The following SSBP3 variants were observed in gnomAD, a reference collection of about 807,000 sequenced individuals.
The protein encoded by SSBP3 is single-stranded DNA-binding protein 3.
In SSBP3, 5 loss-of-function variants were observed where a neutral mutation model predicts 69.6. That is an observed-to-expected ratio of 0.07 (90% CI 0.04 to 0.15). The LOEUF (loss-of-function observed/expected upper bound fraction) is 0.15. SSBP3 is among the 10% of genes least tolerant of loss of function. The probability of loss-of-function intolerance (pLI) is 1.00; values close to 1 mark genes in which losing one functional copy is unlikely to be tolerated. For missense variants in SSBP3, 312 were observed against 534.0 expected, an observed-to-expected ratio of 0.58 and a Z score of 4.10; for synonymous variants, 196 against 193.4, an observed-to-expected ratio of 1.01 and a Z score of -0.11.
chr1:54,282,041 A>AAATAAT (rs61443250), intron 4 of SSBP3, among the ~76,000 whole-genome samples: 2,273 of 142,880 alleles, frequency 0.016, 41 homozygotes, highest in African/African-American at 0.045. Flanking sequence ...GCCCTATCTC[A>AAATAAT]AATAATAATA....
At chr1:54,407,112 G>A (rs1649836610), upstream of SSBP3, among the ~76,000 whole-genome samples, 1 of 152,112 alleles carries the variant, frequency 6.6e-6, no homozygotes, top group South Asian at 2.1e-4. Flanking sequence ...ACCCCAAAGT[G>A]GAGCCGCGCG....
At chr1:54,248,071 GT>G (rs972346491) in intron 9 of SSBP3, among the ~76,000 whole-genome samples, 3 of 152,184 alleles carry the variant, frequency 2.0e-5, no homozygotes, top group Non-Finnish European at 2.9e-5. Context: ...ACTCCCTTCG[GT>G]TTTGAAATAA....
At chr1:54,269,935 T>C (rs1049175169) in intron 5 of SSBP3, among the ~76,000 whole-genome samples, 8 of 152,326 alleles carry the variant, frequency 5.3e-5, no homozygotes, top group Non-Finnish European at 1.0e-4. Flanking sequence ...AGGTCTGCCC[T>C]GTGGACGATG....
intron 4 of SSBP3, among the ~76,000 whole-genome samples, chr1:54,288,294 T>G (rs2100923109): frequency 6.6e-6 from 1 of 152,258 alleles, no homozygotes; most frequent in African/African-American, 2.4e-5. Context: ...GATCAGGCCT[T>G]CCTGCCCCGG....
At chr1:54,229,516 G>A (rs1229591456) in intron 14 of SSBP3, among the ~76,000 whole-genome samples, 2 of 152,224 alleles carry the variant, frequency 1.3e-5, no homozygotes, top group Non-Finnish European at 2.9e-5. Context: ...GGTGGTGGCA[G>A]GAGGTCACTG....
intron 5 of SSBP3, among the ~76,000 whole-genome samples, chr1:54,259,102 C>T (rs1644973238): frequency 6.6e-6 from 1 of 152,006 alleles, no homozygotes; most frequent in African/African-American, 2.4e-5. Context: ...CTTTTCATAC[C>T]TCAGTTCCAA....
intron 5 of SSBP3, among the ~76,000 whole-genome samples, chr1:54,274,268 G>C (rs933485842): frequency 2.6e-5 from 4 of 152,202 alleles, no homozygotes; most frequent in African/African-American, 9.7e-5. Context: ...TGGCCAATTT[G>C]AGCCTCAGTT....
chr1:54,364,042 G>A (rs1371394784), intron 4 of SSBP3, among the ~76,000 whole-genome samples: 1 of 152,232 alleles, frequency 6.6e-6, no homozygotes, highest in Non-Finnish European at 1.5e-5. Flanking sequence ...CCTAGTGTAT[G>A]AGAAGACATC....
chr1:54,302,041 G>C (rs1285562226), intron 4 of SSBP3, among the ~76,000 whole-genome samples: 1 of 152,232 alleles, frequency 6.6e-6, no homozygotes, highest in Admixed American at 6.5e-5. Flanking sequence ...TCCAGAGGGC[G>C]GCTGGGTGGG....
Position 54,362,222 on chromosome 1 carries a change from C to T in SSBP3, c.276+39639G>A, listed in dbSNP as rs137902712. Among the ~76,000 whole-genome samples the T allele has an allele frequency of 3.0e-3, 456 of 152,320 alleles. 3 individuals carry two copies. The highest frequency in any genetic ancestry group is 0.01 in the African/African-American group (429 of 41,570). On this transcript the variant is annotated intron_variant, in intron 4 of 17. Transcript: ENST00000610401. ...TATTCATTCATCTCCTCATGCTAGA[C>T]CCAGAGCTCCCAAGAGCGAGCTCAG...
At chr1:54,231,523 T>C (rs1425424743) in intron 14 of SSBP3, among the ~76,000 whole-genome samples, 1 of 152,232 alleles carries the variant, frequency 6.6e-6, no homozygotes, top group Non-Finnish European at 1.5e-5. Flanking sequence ...TAATCTCCGA[T>C]GAAGTCCAGT....
intron 5 of SSBP3, among the ~76,000 whole-genome samples, chr1:54,271,898 T>C (rs1025891757): frequency 1.3e-5 from 2 of 152,170 alleles, no homozygotes; most frequent in Non-Finnish European, 2.9e-5. Flanking sequence ...GCCTCCCGAA[T>C]AGATGGGATT....
chr1:54,252,696 C>A (rs752111699), intron 7 of SSBP3, among the ~76,000 whole-genome samples: 1 of 152,218 alleles, frequency 6.6e-6, no homozygotes, highest in Non-Finnish European at 1.5e-5. Context: ...CGCTGTGAAA[C>A]CCTATGAAAA....
chr1:54,320,159 C>T (rs1646187013), intron 4 of SSBP3, among the ~76,000 whole-genome samples: 1 of 152,036 alleles, frequency 6.6e-6, no homozygotes, highest in South Asian at 2.1e-4. Flanking sequence ...CCAGTGACTT[C>T]CAGGGTGGAA....
intron 4 of SSBP3, among the ~76,000 whole-genome samples, chr1:54,319,818 G>C (rs1423898597): frequency 6.6e-6 from 1 of 152,170 alleles, no homozygotes. Context: ...CAGAAAATTT[G>C]TATTATTCTT....
intron 14 of SSBP3, 97 bp downstream of exon 14, chr1:54,239,032 G>A (rs1644556017): frequency 1.0e-6 from 1 of 995,868 alleles, no homozygotes; most frequent in South Asian, 1.3e-5. Context: ...GGTAACAAAT[G>A]GCTGAAATCA....
intron 4 of SSBP3, among the ~76,000 whole-genome samples, chr1:54,309,000 C>G (rs1023447395): frequency 1.3e-5 from 2 of 152,126 alleles, no homozygotes; most frequent in African/African-American, 4.8e-5. Flanking sequence ...GATGGTCTAC[C>G]TTAACACTGC....
chr1:54,281,814 G>A (rs1645397635), intron 4 of SSBP3, among the ~76,000 whole-genome samples: 1 of 152,080 alleles, frequency 6.6e-6, no homozygotes, highest in Non-Finnish European at 1.5e-5. Flanking sequence ...TAAAATGGGA[G>A]GGCCGGATGT....
chr1:54,349,861 G>C (rs914666162), intron 4 of SSBP3, among the ~76,000 whole-genome samples: 2 of 151,720 alleles, frequency 1.3e-5, no homozygotes, highest in African/African-American at 4.8e-5. Flanking sequence ...CTTACCTGGC[G>C]AGTGTCCTGG....
Sources: allele counts gnomAD v4.1 joint callset (sites outside exome capture counted in the v4.1 genomes callset), GRCh38; gene constraint gnomAD v4.1.1; transcripts MANE v1.5; gene names NCBI Gene and HGNC (gene_info 2026-07-23, HGNC 2026-07-21).